PTPRR: variants seen among roughly 807,000 people sequenced by gnomAD.
The protein encoded by PTPRR is receptor-type tyrosine-protein phosphatase R.
PTPRR carries 38 observed loss-of-function variants against 77.2 expected under a neutral mutation model. The ratio of observed to expected loss-of-function variants is 0.49; its 90% CI spans 0.38 to 0.65. The LOEUF (loss-of-function observed/expected upper bound fraction) is 0.65. Ranked by LOEUF, PTPRR falls within the 30% of genes least tolerant of loss-of-function variation. The probability of loss-of-function intolerance (pLI) is 0.00; values close to 1 mark genes in which losing one functional copy is unlikely to be tolerated. For missense variants in PTPRR, 744 were observed against 799.2 expected (o/e 0.93, Z 0.83); for synonymous variants, 299 against 283.1 (o/e 1.06, Z -0.57).
At chr12:70,869,352 A>G (rs996944055) in intron 2 of PTPRR, among the ~76,000 whole-genome samples, 6 of 152,134 alleles carry the variant, frequency 3.9e-5, no homozygotes, top group African/African-American at 1.4e-4. Flanking sequence ...CCTGGCAATC[A>G]CAGTCTTGCT....
At chr12:70,816,838 T>G (rs1475788484) in intron 2 of PTPRR, among the ~76,000 whole-genome samples, 3 of 152,158 alleles carry the variant, frequency 2.0e-5, no homozygotes, top group Non-Finnish European at 4.4e-5. Flanking sequence ...TTACAATGTT[T>G]GATTTTAACA....
chr12:70,760,644 A>C (rs1890670314), intron 4 of PTPRR, among the ~76,000 whole-genome samples: 1 of 152,190 alleles, frequency 6.6e-6, no homozygotes, highest in South Asian at 2.1e-4. Context: ...AGAGAAAAAA[A>C]AGACACCTAG....
chr12:70,832,031 T>C (rs150332066), intron 2 of PTPRR, among the ~76,000 whole-genome samples: 1 of 152,362 alleles, frequency 6.6e-6, no homozygotes, highest in East Asian at 1.9e-4. Flanking sequence ...AACTTTATCA[T>C]AGCAAATTTG....
intron 1 of PTPRR, among the ~76,000 whole-genome samples, chr12:70,898,553 A>AT (rs1312027151): frequency 2.0e-5 from 3 of 148,836 alleles, no homozygotes; most frequent in Non-Finnish European, 4.5e-5. Flanking sequence ...ATAAATATAT[A>AT]TATACACACA....
At chr12:70,697,839 C>T (rs772539232) in intron 8 of PTPRR, among the ~76,000 whole-genome samples, 1 of 152,004 alleles carries the variant, frequency 6.6e-6, no homozygotes, top group Non-Finnish European at 1.5e-5. Flanking sequence ...AATCAGGTAG[C>T]CATAATGTGT....
At chr12:70,759,042 C>T (rs898691498) in intron 4 of PTPRR, among the ~76,000 whole-genome samples, 1 of 152,090 alleles carries the variant, frequency 6.6e-6, no homozygotes, top group African/African-American at 2.4e-5. Flanking sequence ...TCAGGTGATC[C>T]TCCTGCCTCA....
chr12:70,651,296 T>C (rs1381840691), intron 13 of PTPRR, among the ~76,000 whole-genome samples: 2 of 152,234 alleles, frequency 1.3e-5, no homozygotes, highest in Non-Finnish European at 2.9e-5. Flanking sequence ...TTCGTTTAGA[T>C]TGAAGCGTTA....
intron 6 of PTPRR, among the ~76,000 whole-genome samples, chr12:70,729,095 A>G (rs1889560523): frequency 6.6e-6 from 1 of 152,216 alleles, no homozygotes; most frequent in Non-Finnish European, 1.5e-5. Flanking sequence ...GGAGACTGAG[A>G]TTACAGTTCC....
At position 70,911,289 on chromosome 12, in the gene PTPRR, T is replaced by C. The variant is rs1330480933; in HGVS notation, c.58+9044A>G. On this transcript the variant is annotated intron_variant, in intron 1 of 13. Transcript: ENST00000283228. ...AAATAGGATAGTATCAGTTGGTCAGTAGAGAAGAAGGATGGCCAGAGGAGT... is the reference window on the plus strand; with the variant it reads ...AAATAGGATAGTATCAGTTGGTCAGCAGAGAAGAAGGATGGCCAGAGGAGT... Among the ~76,000 whole-genome samples, 3 of 152,060 alleles carry C rather than the reference T, an allele frequency of 2.0e-5. No individual in the cohort carries two copies. The East Asian group carries it at 5.8e-4, about 29-fold the overall frequency.
In PTPRR at chr12:70,778,836, A is replaced by G. The variant is rs566832951; in HGVS notation, c.358-14058T>C. Among the ~76,000 whole-genome samples, 45 of 152,132 alleles carry G rather than the reference A, an allele frequency of 3.0e-4. No homozygotes were observed. In the South Asian group the frequency reaches 9.1e-3, roughly 31 times the overall value. On this transcript the variant is annotated intron_variant, in intron 2 of 13. Coordinates refer to ENST00000283228, the MANE Select transcript of PTPRR (RefSeq NM_002849.4). ...TGTTTATAGTTTCTTGGTCTTTTGC[A>G]TTCATTTTTGTTTTTGTTTGTTTTT...
rs910753800 is a variant in PTPRR, at chr12:70,877,038, T to C, written c.357+15641A>G. 9.2e-5 allele frequency among the ~76,000 whole-genome samples: 14 copies of C among 152,210 alleles called. No individual in the cohort carries two copies. In the East Asian group the frequency reaches 1.5e-3, roughly 17 times the overall value. On this transcript the variant is annotated intron_variant, in intron 2 of 13. Coordinates refer to ENST00000283228, the MANE Select transcript of PTPRR (RefSeq NM_002849.4). ...AGGTAGAAGTGGGCTGGCTGTGAGATCCAAAGTTCAAAGTCAAAACTAGTA... is the reference window on the plus strand; with the variant it reads ...AGGTAGAAGTGGGCTGGCTGTGAGACCCAAAGTTCAAAGTCAAAACTAGTA...
At chr12:70,701,681 T>C (rs1888431244) in intron 6 of PTPRR, among the ~76,000 whole-genome samples, 1 of 152,106 alleles carries the variant, frequency 6.6e-6, no homozygotes, top group South Asian at 2.1e-4. Flanking sequence ...CCCTAAAAAA[T>C]GGCTTCTGGG....
intron 6 of PTPRR, among the ~76,000 whole-genome samples, chr12:70,721,421 C>G (rs932647190): frequency 1.3e-5 from 2 of 152,202 alleles, no homozygotes; most frequent in Admixed American, 6.5e-5. Context: ...GCTGATGGAA[C>G]AGCAGGTGGA....
chr12:70,843,943 G>C (rs1341363439), intron 2 of PTPRR, among the ~76,000 whole-genome samples: 2 of 151,278 alleles, frequency 1.3e-5, no homozygotes, highest in African/African-American at 4.9e-5. Flanking sequence ...AGCCTCCCGA[G>C]TAGCTGGGTT....
At chr12:70,878,114 G>C (rs1893083715) in intron 2 of PTPRR, among the ~76,000 whole-genome samples, 1 of 152,146 alleles carries the variant, frequency 6.6e-6, no homozygotes, top group African/African-American at 2.4e-5. Flanking sequence ...ATGGATTAAA[G>C]ACTTACATGT....
At position 70,729,072 on chromosome 12, in the gene PTPRR, C is replaced by T. The variant is rs564416760; in HGVS notation, c.1007+16746G>A. Among the ~76,000 whole-genome samples, 12 of 152,152 alleles carry T rather than the reference C, an allele frequency of 7.9e-5. No homozygotes were observed. In the East Asian group the frequency reaches 1.9e-3, roughly 24 times the overall value. On this transcript the variant is annotated intron_variant, in intron 6 of 13. Coordinates refer to ENST00000283228, the MANE Select transcript of PTPRR (RefSeq NM_002849.4). ...CTGTAGAGTTATGGGAACATCCTTG[C>T]GACCTGGACCAGGGAGACTGAGATT...
intron 2 of PTPRR, among the ~76,000 whole-genome samples, chr12:70,820,922 C>T (rs1891996734): frequency 6.6e-6 from 1 of 152,166 alleles, no homozygotes; most frequent in African/African-American, 2.4e-5. Flanking sequence ...CCTCAACTCT[C>T]TTTGTTGTAT....
chr12:70,875,867 C>T lies in PTPRR; in HGVS notation c.357+16812G>A, dbSNP rs549834995. On this transcript the variant is annotated intron_variant, in intron 2 of 13. Transcript: ENST00000283228. ...ACCCAATATACCAGATAAGATTAAA[C>T]AATTTGCATGAGAGGAATTCCAAGT... 7.9e-5 allele frequency among the ~76,000 whole-genome samples: 12 copies of T among 152,226 alleles called. No homozygotes were observed. In the South Asian group the frequency reaches 2.5e-3, roughly 32 times the overall value.
intron 1 of PTPRR, among the ~76,000 whole-genome samples, chr12:70,896,994 A>G (rs1893440264): frequency 6.6e-6 from 1 of 151,836 alleles, no homozygotes; most frequent in South Asian, 2.1e-4. Flanking sequence ...TACCAGTACC[A>G]TGCTGTTTTG....
Sources: allele counts gnomAD v4.1 joint callset (sites outside exome capture counted in the v4.1 genomes callset), GRCh38; gene constraint gnomAD v4.1.1; transcripts MANE v1.5; gene names NCBI Gene and HGNC (gene_info 2026-07-23, HGNC 2026-07-21).